Variants in ZFHX3 observed in about 807,000 individuals in gnomAD.
ZFHX3 encodes zinc finger homeobox 3, also known as zinc finger homeobox protein 3.
A neutral mutation model predicts 279.1 loss-of-function variants in ZFHX3; 42 were observed. That is an observed-to-expected ratio of 0.15 (90% CI 0.12 to 0.19). ZFHX3 has a LOEUF of 0.19. Among genes scored for constraint, ZFHX3 ranks in the 10% least tolerant of loss-of-function variants. The pLI, the probability that ZFHX3 is intolerant of heterozygous loss-of-function variation, is 1.00. For synonymous variants in ZFHX3, 2,293 were observed against 1,957.8 expected, an observed-to-expected ratio of 1.17 and a Z score of -4.52; for missense variants, 4,981 against 4,754.0, an observed-to-expected ratio of 1.05 and a Z score of -1.40.
chr16:73,801,518 C>A (rs754817091), intron 1 of ZFHX3, among the ~76,000 whole-genome samples: 13 of 152,168 alleles, frequency 8.5e-5, no homozygotes, highest in African/African-American at 1.7e-4. Context: ...TGGACTAGAT[C>A]AAAAAATCAG....
At chr16:73,434,670 A>G (rs992453793) in intron 3 of ZFHX3, among the ~76,000 whole-genome samples, 1 of 152,084 alleles carries the variant, frequency 6.6e-6, no homozygotes, top group South Asian at 2.1e-4. Context: ...GGAGGTGATC[A>G]GATAACATCA....
intron 2 of ZFHX3, among the ~76,000 whole-genome samples, chr16:73,661,054 G>C (rs939661885): frequency 6.6e-6 from 1 of 152,138 alleles, no homozygotes; most frequent in African/African-American, 2.4e-5. Flanking sequence ...TGCTTAAACT[G>C]CACATAACAC....
At chr16:73,354,065 A>T (rs1463195887) in intron 3 of ZFHX3, among the ~76,000 whole-genome samples, 1 of 152,198 alleles carries the variant, frequency 6.6e-6, no homozygotes. Context: ...ATCTAACCAG[A>T]GTAGGGCTGT....
intron 2 of ZFHX3, among the ~76,000 whole-genome samples, chr16:73,463,947 T>C (rs1303872822): frequency 6.6e-6 from 1 of 152,222 alleles, no homozygotes; most frequent in Non-Finnish European, 1.5e-5. Context: ...ACTTATTTAT[T>C]AAAACGTCTA....
At chr16:72,904,806 G>A (rs1015083645) in intron 3 of ZFHX3, among the ~76,000 whole-genome samples, 2 of 151,966 alleles carry the variant, frequency 1.3e-5, no homozygotes, top group African/African-American at 4.8e-5. Flanking sequence ...AGGTGGTCCC[G>A]ATCAGGGCCC....
chr16:72,878,188 AAACAAAAAC>A (rs1298761959), intron 4 of ZFHX3, among the ~76,000 whole-genome samples: 2 of 152,156 alleles, frequency 1.3e-5, no homozygotes, highest in Non-Finnish European at 2.9e-5. Context: ...CAAAAAAAGA[AAACAAAAAC>A]AAAAACAAAA....
chr16:73,454,360 GA>G (rs2018334369), intron 3 of ZFHX3, among the ~76,000 whole-genome samples: 1 of 152,072 alleles, frequency 6.6e-6, no homozygotes, highest in South Asian at 2.1e-4. Context: ...TAGGTTCTTT[GA>G]AGTAGACTCG....
At chr16:73,478,249 AG>A (rs2018797883) in intron 2 of ZFHX3, among the ~76,000 whole-genome samples, 1 of 140,178 alleles carries the variant, frequency 7.1e-6, no homozygotes, top group Non-Finnish European at 1.5e-5. Context: ...CTGGTGACAG[AG>A]CGAGACTCCA....
At position 73,565,253 on chromosome 16, in the gene ZFHX3, CAA is replaced by C. The variant is rs762234849; in HGVS notation, c.-1546-108997_-1546-108996del. 6.8e-3 allele frequency among the ~76,000 whole-genome samples: 904 copies of C among 132,812 alleles called. 2 individuals are homozygous for C. Among genetic ancestry groups the C allele is most frequent in the Non-Finnish European group, 0.011 (648 of 61,302 alleles). 87.1% of individuals were successfully genotyped at this position (132,812 alleles called of 152,430 possible). On this transcript the variant is annotated intron_variant, in intron 2 of 17. Transcript: ENST00000641206. ...TGAGCAACAGAGCCAGACCCCATCT[CAA>C]AAAAAAAAAAAGACATTACCCTCAA...
intron 2 of ZFHX3, among the ~76,000 whole-genome samples, chr16:73,506,782 G>A (rs551084690): frequency 3.9e-5 from 6 of 152,240 alleles, no homozygotes; most frequent in Admixed American, 3.9e-4. Flanking sequence ...GATGACAGGA[G>A]ACAGCAGGTT....
At chr16:73,347,921 A>G (rs1477810434) in intron 3 of ZFHX3, among the ~76,000 whole-genome samples, 1 of 152,268 alleles carries the variant, frequency 6.6e-6, no homozygotes, top group Admixed American at 6.5e-5. Context: ...GATATTTTGC[A>G]CACACAGAAA....
At chr16:73,418,009 AAAAG>A (rs1396390565) in intron 3 of ZFHX3, among the ~76,000 whole-genome samples, 11 of 150,600 alleles carry the variant, frequency 7.3e-5, no homozygotes, top group Non-Finnish European at 1.3e-4. Context: ...AAAAAAAAAA[AAAAG>A]GAAAAAGAAA....
chr16:73,027,733 G>A (rs1030982236), intron 1 of ZFHX3, among the ~76,000 whole-genome samples: 1 of 152,134 alleles, frequency 6.6e-6, no homozygotes, highest in Non-Finnish European at 1.5e-5. Flanking sequence ...AGGGGTTAAT[G>A]CCCTTCCAGG....
chr16:72,811,476 A>T, intron 7 of ZFHX3, 101 bp downstream of exon 7: 1 of 1,246,346 alleles, frequency 8.0e-7, no homozygotes, highest in Non-Finnish European at 1.1e-6. Flanking sequence ...TTCCAACTCT[A>T]CACTGACTTT....
chr16:73,748,362 A>G (rs1280123794), intron 1 of ZFHX3, among the ~76,000 whole-genome samples: 1 of 152,248 alleles, frequency 6.6e-6, no homozygotes, highest in East Asian at 1.9e-4. Context: ...CTAAAATTAC[A>G]CTTCAAGTCA....
At chr16:73,041,777 T>C (rs953062210) in intron 1 of ZFHX3, among the ~76,000 whole-genome samples, 1 of 152,114 alleles carries the variant, frequency 6.6e-6, no homozygotes, top group African/African-American at 2.4e-5. Flanking sequence ...AGCGGAGCTG[T>C]TAAAAGGGAA....
At chr16:72,939,337 G>A (rs1463352303) in intron 3 of ZFHX3, among the ~76,000 whole-genome samples, 1 of 152,132 alleles carries the variant, frequency 6.6e-6, no homozygotes. Flanking sequence ...TGAGCAGTTC[G>A]TAAAGAATCT....
At chr16:72,821,068 G>A (rs1020798107) in intron 5 of ZFHX3, among the ~76,000 whole-genome samples, 1 of 152,194 alleles carries the variant, frequency 6.6e-6, no homozygotes, top group Admixed American at 6.5e-5. Context: ...AATTTTAAGA[G>A]TGAAAGTGAA....
At position 72,958,800 on chromosome 16, in the gene ZFHX3, C is replaced by T. The variant is rs778782642; in HGVS notation, c.1346G>A (p.Gly449Glu). 2 of 1,614,130 alleles carry T rather than the reference C, an allele frequency of 1.2e-6. No individual in the cohort carries two copies. Among genetic ancestry groups the T allele is most frequent in the South Asian group, 1.1e-5 (1 of 91,066 alleles). Residue 449 changes from glycine (G) to glutamate (E), a missense_variant, in exon 2 of 10, where the codon GGG becomes GAG. By Grantham distance (98) the Gly-to-Glu change is moderately conservative. This residue lies in a region of ZFHX3 where 1,068 missense variants were observed against 935.2 expected (regional missense o/e 1.14). Transcript: ENST00000268489. ...AEGEKQEVGD[G>E]DCFSEKVEPA... Reference sequence around the variant, plus strand: ...CTCTACCTTCTCAGAGAAGCAATCCCCGTCGCCCACTTCCTGCTTCTCTCC... The same window carrying T: ...CTCTACCTTCTCAGAGAAGCAATCCTCGTCGCCCACTTCCTGCTTCTCTCC...
Sources: gnomAD v4.1 joint callset for allele counts (sites outside exome capture counted in the v4.1 genomes callset) on GRCh38, gnomAD v4.1.1 for gene constraint, gnomAD v4.1.1 regional missense constraint, MANE v1.5 for transcripts, NCBI Gene and HGNC (gene_info 2026-07-23, HGNC 2026-07-21) for gene names.